CDH2: variants seen among roughly 807,000 people sequenced by gnomAD.
CDH2 encodes the protein cadherin 2.
Under a neutral mutation model 92.0 loss-of-function variants are expected in CDH2, and 17 were observed. The observed-to-expected ratio is 0.18, with a 90% CI of 0.13 to 0.28. The LOEUF is 0.28. Ranked by LOEUF, CDH2 falls within the 10% of genes least tolerant of loss-of-function variation. CDH2 has a pLI of 1.00. For synonymous variants in CDH2, 419 were observed against 415.9 expected, an observed-to-expected ratio of 1.01 and a Z score of -0.09; for missense variants, 862 against 1,133.1, an observed-to-expected ratio of 0.76 and a Z score of 3.44.
At chr18:28,127,465 G>A (rs17536388) in intron 2 of CDH2, among the ~76,000 whole-genome samples, 1 of 152,238 alleles carries the variant, frequency 6.6e-6, no homozygotes, top group African/African-American at 2.4e-5. Context: ...TGCGGCAAAG[G>A]GAAAATACTT....
At chr18:28,099,026 CTAAG>C (rs942830974) in intron 2 of CDH2, among the ~76,000 whole-genome samples, 46 of 152,226 alleles carry the variant, frequency 3.0e-4, no homozygotes, top group African/African-American at 1.0e-3. Context: ...CATGGAGTAA[CTAAG>C]TAAGTGTGTT....
chr18:27,943,104 A>G (rs1909184099), intron 6 of CDH2, among the ~76,000 whole-genome samples: 1 of 152,182 alleles, frequency 6.6e-6, no homozygotes, highest in African/African-American at 2.4e-5. Context: ...AACTAAATTA[A>G]AGATTTAATT....
At chr18:28,127,990 A>G (rs769085753) in intron 2 of CDH2, among the ~76,000 whole-genome samples, 17 of 152,340 alleles carry the variant, frequency 1.1e-4, no homozygotes, top group Admixed American at 2.0e-4. Context: ...TTAGATAACA[A>G]TAAAAAGATA....
At chr18:28,041,368 C>A (rs2013944281) in intron 2 of CDH2, among the ~76,000 whole-genome samples, 1 of 152,088 alleles carries the variant, frequency 6.6e-6, no homozygotes, top group Non-Finnish European at 1.5e-5. Flanking sequence ...ACAAAACAAA[C>A]AGAATTCAAT....
At chr18:27,957,133 C>CCCATCCATCCATCCAT (rs6146242) in intron 15 of CDH2, among the ~76,000 whole-genome samples, 34,436 of 151,316 alleles carry the variant, frequency 0.23, 4,188 homozygotes, top group East Asian at 0.4. Flanking sequence ...ATCCATCCAT[C>CCCATCCATCCATCCAT]CCATCCATCC....
At chr18:27,971,308 C>CTTT (rs60035433) in intron 14 of CDH2, among the ~76,000 whole-genome samples, 6 of 114,468 alleles carry the variant, frequency 5.2e-5, no homozygotes, top group Non-Finnish European at 1.1e-4. Context: ...CATGTCAGTT[C>CTTT]TTTTTTTTTT....
chr18:28,099,436 A>G (rs1231075179), intron 2 of CDH2, among the ~76,000 whole-genome samples: 1 of 152,176 alleles, frequency 6.6e-6, no homozygotes, highest in African/African-American at 2.4e-5. Context: ...TTCATTTCCA[A>G]AACAATGATG....
chr18:28,133,639 A>G (rs1403884638), intron 2 of CDH2, among the ~76,000 whole-genome samples: 2 of 151,726 alleles, frequency 1.3e-5, no homozygotes, highest in Non-Finnish European at 2.9e-5. Context: ...AATAAATAAA[A>G]TCTATTGTCA....
chr18:28,035,379 A>G (rs1381067044), intron 2 of CDH2, among the ~76,000 whole-genome samples: 1 of 152,024 alleles, frequency 6.6e-6, no homozygotes, highest in East Asian at 1.9e-4. Flanking sequence ...TAGAATTTAA[A>G]ACAAGCAACT....
intron 11 of CDH2, among the ~76,000 whole-genome samples, chr18:27,987,243 C>T (rs910197197): frequency 2.5e-4 from 38 of 152,126 alleles, no homozygotes; most frequent in African/African-American, 8.2e-4. Flanking sequence ...AAGAAAGCCA[C>T]GGTTTATGGC....
intron 2 of CDH2, among the ~76,000 whole-genome samples, chr18:28,107,618 T>C (rs1456121833): frequency 2.0e-5 from 3 of 152,128 alleles, no homozygotes; most frequent in Non-Finnish European, 2.9e-5. Context: ...ATTTAAAAGT[T>C]ACAAATAAGC....
At chr18:27,998,880 G>C (rs1438779795) in intron 7 of CDH2, among the ~76,000 whole-genome samples, 1 of 152,154 alleles carries the variant, frequency 6.6e-6, no homozygotes, top group Non-Finnish European at 1.5e-5. Flanking sequence ...TTGAGTGCTG[G>C]GTGCCCCTTG....
intron 2 of CDH2, among the ~76,000 whole-genome samples, chr18:28,022,746 G>C (rs2013445110): frequency 6.6e-6 from 1 of 152,082 alleles, no homozygotes; most frequent in Admixed American, 6.6e-5. Context: ...AACATTCACA[G>C]GGATTGCTCT....
intron 2 of CDH2, among the ~76,000 whole-genome samples, chr18:28,076,909 T>G (rs1029839027): frequency 6.6e-6 from 1 of 152,154 alleles, no homozygotes; most frequent in Non-Finnish European, 1.5e-5. Context: ...CAAAAGAGTA[T>G]GAAAATTAAA....
chr18:28,094,327 A>C (rs1005172558), intron 2 of CDH2, among the ~76,000 whole-genome samples: 1 of 151,984 alleles, frequency 6.6e-6, no homozygotes, highest in Non-Finnish European at 1.5e-5. Context: ...TTTCTACAAA[A>C]AAATACAAAA....
At chr18:28,167,327 G>GT (rs1382288960) in intron 1 of CDH2, among the ~76,000 whole-genome samples, 1 of 152,016 alleles carries the variant, frequency 6.6e-6, no homozygotes, top group Non-Finnish European at 1.5e-5. Flanking sequence ...CCCACAAAAG[G>GT]TATTTAGTGG....
intron 7 of CDH2, among the ~76,000 whole-genome samples, chr18:27,994,399 C>T (rs2012518489): frequency 6.6e-6 from 1 of 152,128 alleles, no homozygotes; most frequent in South Asian, 2.1e-4. Context: ...GACAGGCATC[C>T]ACTACTTTCA....
intron 2 of CDH2, among the ~76,000 whole-genome samples, chr18:28,131,856 A>G (rs888672741): frequency 2.0e-5 from 3 of 152,162 alleles, no homozygotes; most frequent in Admixed American, 2.0e-4. Flanking sequence ...TCTGCAATAG[A>G]TATTACTCCC....
At chr18:27,941,564 T>C (rs944172026) in intron 6 of CDH2, among the ~76,000 whole-genome samples, 2 of 152,186 alleles carry the variant, frequency 1.3e-5, no homozygotes, top group Non-Finnish European at 2.9e-5. Flanking sequence ...TATATTTGCT[T>C]CTATGCCCTG....
Sources: allele counts gnomAD v4.1 joint callset (sites outside exome capture counted in the v4.1 genomes callset), GRCh38; gene constraint gnomAD v4.1.1; transcripts MANE v1.5; gene names NCBI Gene and HGNC (gene_info 2026-07-23, HGNC 2026-07-21).